The following SIAH1 variants were observed in gnomAD, a reference collection of about 807,000 sequenced individuals.
The protein encoded by SIAH1 is siah E3 ubiquitin protein ligase 1, also known as E3 ubiquitin-protein ligase SIAH1.
Under a neutral mutation model 20.0 loss-of-function variants are expected in SIAH1, and 2 were observed. The observed-to-expected ratio is 0.10, with a 90% confidence interval of 0.04 to 0.31. The LOEUF is 0.31. SIAH1 is among the 10% of genes least tolerant of loss of function. The pLI is 1.00. For synonymous variants in SIAH1, 118 were observed against 125.3 expected (o/e 0.94, Z 0.39); for missense variants, 119 against 355.3 (o/e 0.33, Z 5.35).
chr16:48,372,052 T>C (rs1366587134), intron 1 of SIAH1, among the ~76,000 whole-genome samples: 1 of 152,092 alleles, frequency 6.6e-6, no homozygotes, highest in African/African-American at 2.4e-5. Flanking sequence ...CAGATCAAAA[T>C]TAGCAGTAAT....
chr16:48,366,937 CACTCTGTTGCCCAGGTCT>C (rs1960857873), intron 1 of SIAH1, among the ~76,000 whole-genome samples: 1 of 152,150 alleles, frequency 6.6e-6, no homozygotes, highest in South Asian at 2.1e-4. Flanking sequence ...GACAGGGTCT[CACTCTGTTGCCCAGGTCT>C]GAGTGCAGTG....
At chr16:48,374,761 A>G (rs1328748184) in intron 1 of SIAH1, among the ~76,000 whole-genome samples, 2 of 152,246 alleles carry the variant, frequency 1.3e-5, no homozygotes, top group African/African-American at 4.8e-5. Context: ...ACCTACAAAA[A>G]TAAAAACTAA....
intron 1 of SIAH1, among the ~76,000 whole-genome samples, chr16:48,380,410 G>A (rs1961242027): frequency 1.3e-5 from 2 of 151,340 alleles, no homozygotes; most frequent in Non-Finnish European, 2.9e-5. Context: ...CTGAGTTGGC[G>A]CCACCGCACT....
upstream of SIAH1, among the ~76,000 whole-genome samples, chr16:48,385,873 C>T (rs1013633855): frequency 5.9e-5 from 9 of 152,286 alleles, no homozygotes; most frequent in East Asian, 7.7e-4. Flanking sequence ...CGGATCCTTC[C>T]CAACTCCACT....
At chr16:48,386,449 TGAGGCAGA>T (rs1961469775), upstream of SIAH1, among the ~76,000 whole-genome samples, 1 of 152,028 alleles carries the variant, frequency 6.6e-6, no homozygotes, top group Non-Finnish European at 1.5e-5. Context: ...GAGGTTGCAG[TGAGGCAGA>T]GATCAGGCCA....
intron 1 of SIAH1, among the ~76,000 whole-genome samples, chr16:48,364,514 A>G (rs1311791296): frequency 1.3e-5 from 2 of 152,206 alleles, no homozygotes; most frequent in Admixed American, 6.5e-5. Flanking sequence ...GTGTCTCATC[A>G]TATGGACTCA....
rs1482206722 is a variant in SIAH1 at position 48,385,282 on chromosome 16, C to T, written c.-81G>A. 2 of 302,016 alleles carry T rather than the reference C, an allele frequency of 6.6e-6. No individual in the cohort carries two copies. The highest frequency in any genetic ancestry group is 2.4e-5 in the South Asian group (1 of 42,460). 18.7% of individuals were successfully genotyped at this position (302,016 alleles called of 1,614,324 possible). A position where few individuals can be genotyped will look rare whatever the true frequency, so the allele number is the denominator to read the frequency against. ...CGCCAACCCCCGCCACCGCGGGCAG[C>T]GCCACCGCCTCTTCCCGGCGCCGAG... On this transcript the variant is annotated 5_prime_UTR_variant, in exon 1 of 2. Transcript: ENST00000394725.
chr16:48,366,565 G>A (rs564317883), intron 1 of SIAH1, among the ~76,000 whole-genome samples: 2 of 152,226 alleles, frequency 1.3e-5, no homozygotes, highest in African/African-American at 2.4e-5. Flanking sequence ...CTCATTAAAC[G>A]CAGAGTAGCT....
intron 1 of SIAH1, among the ~76,000 whole-genome samples, chr16:48,383,495 CTCT>C (rs1961352235): frequency 6.6e-6 from 1 of 152,216 alleles, no homozygotes; most frequent in African/African-American, 2.4e-5. Flanking sequence ...CTACATTCTG[CTCT>C]TCAGTAACTT....
chr16:48,380,944 A>AAAAAAAAAAAAAAAAAAAAC (rs1567377283), intron 1 of SIAH1, among the ~76,000 whole-genome samples: 3 of 150,038 alleles, frequency 2.0e-5, no homozygotes, highest in Non-Finnish European at 4.5e-5. Flanking sequence ...AAAAAAAAAA[A>AAAAAAAAAAAAAAAAAAAAC]AGAACGGCTA....
At chr16:48,369,817 A>C (rs970720340) in intron 1 of SIAH1, among the ~76,000 whole-genome samples, 1 of 152,260 alleles carries the variant, frequency 6.6e-6, no homozygotes, top group East Asian at 1.9e-4. Context: ...GGCACAATAA[A>C]GATTGTACTA....
intron 1 of SIAH1, among the ~76,000 whole-genome samples, chr16:48,371,929 G>C (rs1156249818): frequency 6.6e-6 from 1 of 151,218 alleles, no homozygotes; most frequent in Non-Finnish European, 1.5e-5. Context: ...AAAATTCATG[G>C]TACCTAGTTC....
upstream of SIAH1, chr16:48,385,445 A>T (rs1385271734): frequency 2.0e-5 from 3 of 149,280 alleles, no homozygotes; most frequent in Non-Finnish European, 4.4e-5. Flanking sequence ...TAAATACCAC[A>T]CACTGCGGCG....
intron 1 of SIAH1, among the ~76,000 whole-genome samples, chr16:48,382,366 A>G (rs994197628): frequency 6.6e-6 from 1 of 152,152 alleles, no homozygotes; most frequent in Non-Finnish European, 1.5e-5. Context: ...CCTGGGCAAC[A>G]TAGCAAGACT....
At position 48,361,539 on chromosome 16, in the gene SIAH1, T is replaced by C. The variant is rs1960594826; in HGVS notation, c.*41A>G. The stretch of plus-strand genomic sequence containing the variant: ...ATGGGTGCCTTATTTTCTGTGAAAC[T>C]GAAGTTTTAAACACTGGCCAGAAAA... On this transcript the variant is annotated 3_prime_UTR_variant, in exon 2 of 2. Coordinates refer to ENST00000394725, the MANE Select transcript of SIAH1 (RefSeq NM_003031.4). 1 of 1,594,316 alleles carries C rather than the reference T, an allele frequency of 6.3e-7. No individual in the cohort carries two copies. Among genetic ancestry groups the C allele is most frequent in the Non-Finnish European group, 8.6e-7 (1 of 1,169,410 alleles).
intron 1 of SIAH1, among the ~76,000 whole-genome samples, chr16:48,378,897 C>A (rs1961180818): frequency 6.6e-6 from 1 of 152,232 alleles, no homozygotes; most frequent in Non-Finnish European, 1.5e-5. Context: ...TATCCTTGGA[C>A]ACCAGGTCTC....
At chr16:48,374,321 T>G (rs899953131) in intron 1 of SIAH1, among the ~76,000 whole-genome samples, 1 of 152,160 alleles carries the variant, frequency 6.6e-6, no homozygotes, top group Non-Finnish European at 1.5e-5. Context: ...AACAAGAACT[T>G]TGGACTTTCA....
chr16:48,361,967 G>A lies in SIAH1; in HGVS notation c.462C>T (p.Ser154=). The A allele has an allele frequency of 6.2e-7, 1 of 1,614,128 alleles. No homozygotes were observed. Among genetic ancestry groups the A allele is most frequent in the South Asian group, 1.1e-5 (1 of 91,076 alleles). ...TATCCTCTCCCTGTAGGGTTGTAATGGACTTATGCTGATGCATCAGATGGG... is the reference window on the plus strand; with the variant it reads ...TATCCTCTCCCTGTAGGGTTGTAATAGACTTATGCTGATGCATCAGATGGG... The part of the protein sequence containing the change: ...VMPHLMHQHK[S]ITTLQGEDIV... The change falls in exon 2 of 2, where the codon TCC becomes TCT. Residue 154 remains serine, a synonymous_variant. Transcript: ENST00000394725.
chr16:48,376,090 A>T (rs893823851), intron 1 of SIAH1, among the ~76,000 whole-genome samples: 12 of 152,232 alleles, frequency 7.9e-5, no homozygotes, highest in Non-Finnish European at 1.8e-4. Context: ...TAACTTTAAA[A>T]TATCTTTGGC....
Sources: gnomAD v4.1 joint callset for allele counts (sites outside exome capture counted in the v4.1 genomes callset) on GRCh38, gnomAD v4.1.1 for gene constraint, MANE v1.5 for transcripts, NCBI Gene and HGNC (gene_info 2026-07-23, HGNC 2026-07-21) for gene names.